SPATA6: variants seen among roughly 807,000 people sequenced by gnomAD.
SPATA6 encodes the protein spermatogenesis associated 6, also known as spermatogenesis-associated protein 6.
A neutral mutation model predicts 65.3 loss-of-function variants in SPATA6; 56 were observed. That is an observed-to-expected ratio of 0.86 (90% CI 0.69 to 1.07). The LOEUF (loss-of-function observed/expected upper bound fraction) is 1.07, where lower values mean the gene tolerates loss of function less well. Ranked by LOEUF, SPATA6 falls within the 50% of genes least tolerant of loss-of-function variation. The pLI is 0.00. For missense variants in SPATA6, 590 were observed against 594.8 expected (o/e 0.99, Z 0.08); for synonymous variants, 199 against 213.2 (o/e 0.93, Z 0.58).
the SPATA6 span, among the ~76,000 whole-genome samples, chr1:48,281,085 CAT>C: frequency 6.6e-6 from 1 of 152,216 alleles, no homozygotes; most frequent in South Asian, 2.1e-4. Flanking sequence ...ACAAACACCA[CAT>C]GATTATCTCA....
At chr1:48,372,261 TA>T in intron 9 of SPATA6, among the ~76,000 whole-genome samples, 1 of 152,206 alleles carries the variant, frequency 6.6e-6, no homozygotes, top group African/African-American at 2.4e-5. Flanking sequence ...ACAATGGGGG[TA>T]CAGGTATTGG....
intron 3 of SPATA6, among the ~76,000 whole-genome samples, chr1:48,413,403 C>T (rs1257014067): frequency 2.0e-5 from 3 of 151,088 alleles, no homozygotes; most frequent in East Asian, 3.9e-4. Context: ...AATTCCCCTG[C>T]CTCAGCCTCC....
chr1:48,404,665 AC>A (rs1282244266), intron 5 of SPATA6, among the ~76,000 whole-genome samples: 29 of 152,258 alleles, frequency 1.9e-4, no homozygotes, highest in African/African-American at 5.8e-4. Flanking sequence ...TTTAAAAAAA[AC>A]AAAACAAAAA....
In SPATA6 at chr1:48,385,327, G is replaced by A. The variant is rs1649348970; in HGVS notation, c.891C>T (p.Cys297=). The A allele has an allele frequency of 6.2e-7, 1 of 1,607,044 alleles. No individual in the cohort carries two copies. Residue 297 remains cysteine (C), a synonymous_variant, in exon 9 of 13, where the codon TGC becomes TGT. Transcript: ENST00000371847. ...VHNDHSHLGC[C]RPKDYKVIRT... is the part of the protein sequence containing the mutation. ...TACACACCTTATAATCCTTGGGTCGGCAGCAGCCAAGATGAGAATGATCTG... is the reference window on the plus strand; with the variant it reads ...TACACACCTTATAATCCTTGGGTCGACAGCAGCCAAGATGAGAATGATCTG...
chr1:48,333,555 CCTGA>C (rs1450421985), intron 11 of SPATA6, among the ~76,000 whole-genome samples: 1 of 152,060 alleles, frequency 6.6e-6, no homozygotes, highest in African/African-American at 2.4e-5. Flanking sequence ...TCTAGAGAAC[CCTGA>C]CTAATACAGT....
chr1:48,464,376 A>G (rs537991708), intron 1 of SPATA6, among the ~76,000 whole-genome samples: 1 of 152,220 alleles, frequency 6.6e-6, no homozygotes, highest in East Asian at 1.9e-4. Flanking sequence ...ATTTTCAAAC[A>G]ACGTCATTTT....
Position 48,451,920 on chromosome 1 carries a change from G to A in SPATA6, c.190-320C>T, listed in dbSNP as rs77850345. 8.6e-3 allele frequency among the ~76,000 whole-genome samples: 1,302 copies of A among 152,154 alleles called. 22 individuals are homozygous for A. The highest frequency in any genetic ancestry group is 0.03 in the African/African-American group (1,261 of 41,514). On this transcript the variant is annotated intron_variant, in intron 2 of 12. Coordinates refer to ENST00000371847, the MANE Select transcript of SPATA6 (RefSeq NM_019073.4). ...TATTTGTTTTTCCTCTGCTTAAAAT[G>A]CTCTTCTCCTAGACCTTCAAATAAG... is the stretch of plus-strand genomic sequence containing the variant.
At chr1:48,316,479 T>G (rs1380045418) in intron 11 of SPATA6, among the ~76,000 whole-genome samples, 1 of 152,190 alleles carries the variant, frequency 6.6e-6, no homozygotes, top group Admixed American at 6.5e-5. Flanking sequence ...TGGCTAGCCA[T>G]ATTTAGAAAG....
chr1:48,359,448 C>T, intron 10 of SPATA6, 138 bp downstream of exon 10: 1 of 972,596 alleles, frequency 1.0e-6, no homozygotes, highest in Non-Finnish European at 1.5e-6. Context: ...GTAATATATT[C>T]TAAACAAAAA....
intron 11 of SPATA6, among the ~76,000 whole-genome samples, chr1:48,310,532 G>A (rs1404573554): frequency 1.3e-5 from 2 of 152,160 alleles, no homozygotes; most frequent in African/African-American, 4.8e-5. Flanking sequence ...GTATGAACTT[G>A]TGAGAGCCCC....
intron 8 of SPATA6, among the ~76,000 whole-genome samples, chr1:48,394,320 A>G (rs1428621839): frequency 6.6e-6 from 1 of 152,120 alleles, no homozygotes; most frequent in Non-Finnish European, 1.5e-5. Context: ...TCAGATGCTT[A>G]AGTGTTGACA....
chr1:48,404,981 CAT>C (rs1216566303), intron 5 of SPATA6, among the ~76,000 whole-genome samples: 5 of 152,208 alleles, frequency 3.3e-5, no homozygotes, highest in Non-Finnish European at 7.3e-5. Context: ...AAAAATCAGA[CAT>C]TGACCAAAGT....
rs1246804922 is a variant in SPATA6, at chr1:48,296,226, T to C, written c.*2487A>G. ...TCCTGTGAATGAGAAAAGACAACTA[T>C]TAGTACTTAAAGGTTTTACTCTTTA... On this transcript the variant is annotated 3_prime_UTR_variant, in exon 13 of 13. Coordinates refer to ENST00000371847, the MANE Select transcript of SPATA6 (RefSeq NM_019073.4). 2 of 151,802 alleles carry C rather than the reference T, an allele frequency of 1.3e-5. No homozygotes were observed. The highest frequency in any genetic ancestry group is 4.1e-4 in the South Asian group (2 of 4,822). 9.4% of individuals were successfully genotyped at this position (151,802 alleles called of 1,614,324 possible).
chr1:48,348,214 T>C (rs1646423698), intron 11 of SPATA6, among the ~76,000 whole-genome samples: 1 of 151,958 alleles, frequency 6.6e-6, no homozygotes, highest in South Asian at 2.1e-4. Context: ...CTAAGTCCAG[T>C]GTCACTCCAG....
At chr1:48,445,608 C>T (rs1200441707) in intron 3 of SPATA6, among the ~76,000 whole-genome samples, 1 of 130,626 alleles carries the variant, frequency 7.7e-6, no homozygotes, top group Non-Finnish European at 1.5e-5. Flanking sequence ...TGCAGTGAGC[C>T]GAGATCACGC....
chr1:48,404,186 G>C (rs142846530), intron 5 of SPATA6, among the ~76,000 whole-genome samples: 86 of 151,726 alleles, frequency 5.7e-4, no homozygotes, highest in African/African-American at 2.0e-3. Context: ...ATATATTATA[G>C]CCATAAATAT....
chr1:48,276,429 G>A, the SPATA6 span, among the ~76,000 whole-genome samples: 4 of 152,106 alleles, frequency 2.6e-5, no homozygotes, highest in African/African-American at 9.7e-5. Context: ...TGATGTCAGG[G>A]TGTCAACTTT....
intron 11 of SPATA6, among the ~76,000 whole-genome samples, chr1:48,346,681 C>G (rs1296305164): frequency 6.6e-6 from 1 of 152,024 alleles, no homozygotes; most frequent in Admixed American, 6.6e-5. Flanking sequence ...AATAGTCAAG[C>G]TGAGGGCCAA....
intron 12 of SPATA6, among the ~76,000 whole-genome samples, chr1:48,303,069 G>A (rs868595978): frequency 6.6e-6 from 1 of 151,962 alleles, no homozygotes; most frequent in African/African-American, 2.4e-5. Flanking sequence ...GACGGGGATG[G>A]AACCTCCAGG....
Sources: allele counts gnomAD v4.1 joint callset (sites outside exome capture counted in the v4.1 genomes callset), GRCh38; gene constraint gnomAD v4.1.1; transcripts MANE v1.5; gene names NCBI Gene and HGNC (gene_info 2026-07-23, HGNC 2026-07-21).